The following PTPRN2 variants were observed in gnomAD, a reference collection of about 807,000 sequenced individuals.
The protein encoded by PTPRN2 is protein tyrosine phosphatase receptor type N2.
A neutral mutation model predicts 118.8 loss-of-function variants in PTPRN2; 74 were observed. That is an observed-to-expected ratio of 0.62 (90% CI 0.52 to 0.76). PTPRN2 has a LOEUF of 0.76. PTPRN2 is among the 30% of genes least tolerant of loss of function. The probability of loss-of-function intolerance (pLI) is 0.00; values close to 1 mark genes in which losing one functional copy is unlikely to be tolerated. For synonymous variants in PTPRN2, 641 were observed against 608.0 expected (o/e 1.05, Z -0.80); for missense variants, 1,481 against 1,394.4 (o/e 1.06, Z -0.99).
Position 157,986,931 on chromosome 7 carries a change from G to A in PTPRN2, c.1724-88194C>T, listed in dbSNP as rs946590571. Among the ~76,000 whole-genome samples the A allele has an allele frequency of 5.3e-5, 8 of 152,262 alleles. No homozygotes were observed. The East Asian group carries it at 9.7e-4, about 18-fold the overall frequency. ...CAGTGACTTTGGGGTCATTTGCACG[G>A]TATCAGCTATAGCCGCAGTGAGAGG... On this transcript the variant is annotated intron_variant, in intron 11 of 22. Coordinates refer to ENST00000389418, the MANE Select transcript of PTPRN2 (RefSeq NM_002847.5). This position sits in a 1 kb window ranked among gnomAD's most constrained non-coding sequence, Gnocchi z 4.5.
intron 12 of PTPRN2, among the ~76,000 whole-genome samples, chr7:157,885,662 A>G (rs989805490): frequency 1.5e-4 from 23 of 152,244 alleles, no homozygotes; most frequent in African/African-American, 5.1e-4. Context: ...CTGCCAGGTA[A>G]AAGTTTCATA....
chr7:158,334,686 C>G (rs1490876517), intron 2 of PTPRN2, among the ~76,000 whole-genome samples: 1 of 69,972 alleles, frequency 1.4e-5, no homozygotes, highest in Non-Finnish European at 3.1e-5. Context: ...CTCACACCCA[C>G]ACTCTCACCA....
intron 14 of PTPRN2, among the ~76,000 whole-genome samples, chr7:157,648,438 T>C (rs1259244591): frequency 2.5e-4 from 20 of 81,304 alleles, no homozygotes; most frequent in Middle Eastern, 0.011. Flanking sequence ...TCGGACCCAT[T>C]CACTGTGCAC....
chr7:158,403,750 A>G (rs1467154711), intron 2 of PTPRN2, among the ~76,000 whole-genome samples: 2 of 151,396 alleles, frequency 1.3e-5, no homozygotes, highest in South Asian at 4.2e-4. Context: ...CACTCTGAAA[A>G]CTCCCAAAAC....
rs1554503308 is a variant in PTPRN2, at chr7:157,970,637, C to CCG, written c.1724-71901_1724-71900insCG. 3.0e-4 allele frequency among the ~76,000 whole-genome samples: 7 copies of CCG among 23,410 alleles called. No homozygotes were observed. In the East Asian group the frequency reaches 4.8e-3, roughly 16 times the overall value. The allele number at this position is 23,410 out of a possible 152,430, so 15.4% of individuals were successfully genotyped here. A position where few individuals can be genotyped will look rare whatever the true frequency, so the allele number is the denominator to read the frequency against. ...GCTTCATTGTCACGCTCAGAGCGGACCCCCCCCCCCACAGGTTGCCCACCC... is the reference window on the plus strand; with the variant it reads ...GCTTCATTGTCACGCTCAGAGCGGACCGCCCCCCCCCCACAGGTTGCCCACCC... On this transcript the variant is annotated intron_variant, in intron 11 of 22. Transcript: ENST00000389418.
intron 3 of PTPRN2, among the ~76,000 whole-genome samples, chr7:158,251,758 T>C (rs1796694856): frequency 6.6e-6 from 1 of 152,040 alleles, no homozygotes; most frequent in South Asian, 2.1e-4. Flanking sequence ...TGGATGTATA[T>C]GGTGCACGTA....
chr7:158,440,099 G>C (rs899016964), intron 2 of PTPRN2, among the ~76,000 whole-genome samples: 8 of 152,202 alleles, frequency 5.3e-5, no homozygotes, highest in Non-Finnish European at 1.0e-4. Flanking sequence ...CCTCATTTCT[G>C]AGTGGACATT....
At chr7:158,138,115 T>C (rs1015354116) in intron 7 of PTPRN2, among the ~76,000 whole-genome samples, 179 bp downstream of exon 7, 5 of 152,194 alleles carry the variant, frequency 3.3e-5, no homozygotes, top group African/African-American at 7.2e-5. Context: ...GTAGGCTTAG[T>C]CTGTTAAGAA....
chr7:157,572,833 C>T (rs767389117), intron 19 of PTPRN2, among the ~76,000 whole-genome samples: 8 of 152,216 alleles, frequency 5.3e-5, no homozygotes, highest in Non-Finnish European at 1.2e-4. Flanking sequence ...CAAAAATGGG[C>T]GGGCTCAGAC....
At chr7:158,087,431 G>C (rs1813514798) in intron 10 of PTPRN2, among the ~76,000 whole-genome samples, 1 of 152,248 alleles carries the variant, frequency 6.6e-6, no homozygotes, top group Non-Finnish European at 1.5e-5. Context: ...AGCGTCTGAT[G>C]CAAGAGCAGG....
intron 9 of PTPRN2, among the ~76,000 whole-genome samples, chr7:158,129,250 C>A (rs62649318): frequency 0.96 from 144,011 of 149,918 alleles, 69,183 homozygotes; most frequent in Middle Eastern, 0.97. Context: ...AACAGACACC[C>A]CACACTACAC....
chr7:158,531,224 C>A (rs140936698), intron 1 of PTPRN2, among the ~76,000 whole-genome samples: 187 of 152,298 alleles, frequency 1.2e-3, no homozygotes, highest in South Asian at 4.6e-3. Flanking sequence ...CACCCTACAG[C>A]GCTCAGGTAA....
At chr7:158,353,195 G>A (rs957017923) in intron 2 of PTPRN2, among the ~76,000 whole-genome samples, 4 of 152,178 alleles carry the variant, frequency 2.6e-5, no homozygotes, top group Admixed American at 6.5e-5. Flanking sequence ...CCAATACCAC[G>A]ATGCAGATGT....
chr7:158,154,478 A>G (rs1351343573), intron 6 of PTPRN2, among the ~76,000 whole-genome samples: 4 of 152,184 alleles, frequency 2.6e-5, no homozygotes, highest in African/African-American at 9.7e-5. Context: ...ACTCTCTCTT[A>G]TGGCTGCTAC....
chr7:158,211,618 C>A (rs1458907713), intron 3 of PTPRN2, among the ~76,000 whole-genome samples: 1 of 152,152 alleles, frequency 6.6e-6, no homozygotes, highest in Non-Finnish European at 1.5e-5. Context: ...TGAAAAGGTG[C>A]TCAACATCAC....
At position 157,915,460 on chromosome 7, in the gene PTPRN2, C is replaced by CCA. The variant is rs1190968638; in HGVS notation, c.1724-16725_1724-16724dup. ...CACCCCCCCACCCCCGCCTTCCCCG[C>CCA]CACACACACACACATCCAGGAACAG... On this transcript the variant is annotated intron_variant, in intron 11 of 22. Transcript: ENST00000389418. Among the ~76,000 whole-genome samples the CCA allele has an allele frequency of 6.0e-5, 9 of 149,740 alleles. 1 individual carries two copies. The highest frequency in any genetic ancestry group is 1.2e-4 in the African/African-American group (5 of 40,658).
intron 2 of PTPRN2, among the ~76,000 whole-genome samples, chr7:158,488,989 C>T (rs904476524): frequency 6.6e-6 from 1 of 152,224 alleles, no homozygotes; most frequent in Non-Finnish European, 1.5e-5. Context: ...TGGGAGATGC[C>T]CTCTGCCTGA....
At chr7:157,901,235 G>A (rs1018140100) in intron 11 of PTPRN2, among the ~76,000 whole-genome samples, 5 of 152,078 alleles carry the variant, frequency 3.3e-5, no homozygotes, top group South Asian at 2.1e-4. Context: ...GATCTGCCCC[G>A]CCCCATCTGT....
At chr7:158,063,102 C>G (rs922057630) in intron 11 of PTPRN2, among the ~76,000 whole-genome samples, 8 of 152,222 alleles carry the variant, frequency 5.3e-5, no homozygotes, top group Non-Finnish European at 1.2e-4. Flanking sequence ...AATCAGCACT[C>G]TGTGTCTAGC....
Sources: gnomAD v4.1 joint callset for allele counts (sites outside exome capture counted in the v4.1 genomes callset) on GRCh38, gnomAD v4.1.1 for gene constraint, Gnocchi (gnomAD v3.1) non-coding constraint, MANE v1.5 for transcripts, NCBI Gene and HGNC (gene_info 2026-07-23, HGNC 2026-07-21) for gene names.